The following CNOT6 variants were observed in gnomAD, a reference collection of about 807,000 sequenced individuals.
The protein encoded by CNOT6 is CCR4-NOT transcription complex subunit 6, also known as carbon catabolite repression 4 protein.
CNOT6 carries 12 observed loss-of-function variants against 61.2 expected under a neutral mutation model. That is an observed-to-expected ratio of 0.20 (90% CI 0.13 to 0.32). The LOEUF (loss-of-function observed/expected upper bound fraction) is 0.32, where lower values mean the gene tolerates loss of function less well. Among genes scored for constraint, CNOT6 ranks in the 10% least tolerant of loss-of-function variants. CNOT6 has a pLI of 1.00. For synonymous variants in CNOT6, 225 were observed against 240.6 expected, an observed-to-expected ratio of 0.94 and a Z score of 0.60; for missense variants, 405 against 663.9, an observed-to-expected ratio of 0.61 and a Z score of 4.28.
At chr5:180,523,265 C>T (rs1757953763) in intron 1 of CNOT6, among the ~76,000 whole-genome samples, 1 of 152,072 alleles carries the variant, frequency 6.6e-6, no homozygotes, top group Non-Finnish European at 1.5e-5. Flanking sequence ...TTCTTTTCCC[C>T]TTAGATGTTC....
intron 11 of CNOT6, 64 bp from the exon 12 acceptor site, chr5:180,573,924 G>A: frequency 9.0e-7 from 1 of 1,113,076 alleles, no homozygotes; most frequent in Non-Finnish European, 1.4e-6. Flanking sequence ...GGCATGTCTT[G>A]AAAGCACTGA....
intron 11 of CNOT6, 57 bp from the exon 12 acceptor site, chr5:180,573,931 C>CT: frequency 8.4e-7 from 1 of 1,183,450 alleles, no homozygotes; most frequent in Non-Finnish European, 1.3e-6. Context: ...CTTGAAAGCA[C>CT]TGAGGATTTT....
At position 180,577,163 on chromosome 5, in the gene CNOT6, A is replaced by ATGAATGTGTGTGTGTGTGTG. The variant is rs1554104992; in HGVS notation, c.*2965_*2966insAATGTGTGTGTGTGTGTGTG. 1 of 145,656 alleles carries ATGAATGTGTGTGTGTGTGTG rather than the reference A, an allele frequency of 6.9e-6. No individual in the cohort carries two copies. Among genetic ancestry groups the ATGAATGTGTGTGTGTGTGTG allele is most frequent in the Non-Finnish European group, 1.5e-5 (1 of 66,402 alleles). The allele number at this position is 145,656 out of a possible 1,614,324, so 9.0% of individuals were successfully genotyped here. On this transcript the variant is annotated 3_prime_UTR_variant, in exon 12 of 12. Coordinates refer to ENST00000261951, the MANE Select transcript of CNOT6 (RefSeq NM_001370472.1). ...AGATAGGCAGAGAACATCTCCAGAA[A>ATGAATGTGTGTGTGTGTGTG]TGTGTGTGTGTGTGTGTGTGTGTGT...
chr5:180,508,451 A>G (rs1262965380), intron 1 of CNOT6, among the ~76,000 whole-genome samples: 4 of 152,072 alleles, frequency 2.6e-5, no homozygotes, highest in South Asian at 2.1e-4. Context: ...GGCTGGGACT[A>G]CAGGCGCACG....
chr5:180,571,015 T>G (rs1369088037), intron 10 of CNOT6, among the ~76,000 whole-genome samples: 1 of 152,196 alleles, frequency 6.6e-6, no homozygotes, highest in Non-Finnish European at 1.5e-5. Context: ...GAACGATAAT[T>G]GGGAAGACAC....
intron 1 of CNOT6, among the ~76,000 whole-genome samples, chr5:180,510,937 T>A (rs1202884613): frequency 6.6e-6 from 1 of 152,146 alleles, no homozygotes; most frequent in Non-Finnish European, 1.5e-5. Context: ...TCTGAGTAGC[T>A]GGGACTACAG....
chr5:180,494,942 G>A (rs1274971889), intron 1 of CNOT6, among the ~76,000 whole-genome samples, 179 bp downstream of exon 1: 1 of 151,506 alleles, frequency 6.6e-6, no homozygotes, highest in Admixed American at 6.6e-5. Flanking sequence ...ATCGCGCCCC[G>A]CCCCGGGCCG....
chr5:180,522,047 A>C (rs1442461657), intron 1 of CNOT6, among the ~76,000 whole-genome samples: 1 of 152,178 alleles, frequency 6.6e-6, no homozygotes, highest in African/African-American at 2.4e-5. Flanking sequence ...TTCTTTGGGT[A>C]TAGAACCAGT....
chr5:180,512,456 T>A (rs1757437783), intron 1 of CNOT6, among the ~76,000 whole-genome samples: 1 of 152,222 alleles, frequency 6.6e-6, no homozygotes, highest in African/African-American at 2.4e-5. Context: ...TATTTTGAAT[T>A]CTCAACTGCG....
At chr5:180,564,086 C>G (rs893861072) in intron 4 of CNOT6, among the ~76,000 whole-genome samples, 1 of 152,148 alleles carries the variant, frequency 6.6e-6, no homozygotes, top group African/African-American at 2.4e-5. Flanking sequence ...AGTTTTGATT[C>G]TCTGATGCAT....
intron 1 of CNOT6, among the ~76,000 whole-genome samples, chr5:180,513,335 G>A (rs572876049): frequency 1.3e-5 from 2 of 152,002 alleles, no homozygotes; most frequent in Non-Finnish European, 2.9e-5. Flanking sequence ...GACCATAGGC[G>A]TGTGCCACCA....
chr5:180,506,065 A>G (rs1757122982), intron 1 of CNOT6, among the ~76,000 whole-genome samples: 2 of 152,232 alleles, frequency 1.3e-5, no homozygotes, highest in African/African-American at 2.4e-5. Flanking sequence ...TGCAAGTGAT[A>G]GAATTCTTGA....
chr5:180,516,007 C>T (rs564957522), intron 1 of CNOT6, among the ~76,000 whole-genome samples: 1 of 152,064 alleles, frequency 6.6e-6, no homozygotes, highest in South Asian at 2.1e-4. Context: ...ACTTCCTGGT[C>T]TCAAGCCATT....
Position 180,574,154 on chromosome 5 carries a change from C to A in CNOT6, c.1628C>A (p.Pro543His). 1 of 1,614,146 alleles carries A rather than the reference C, an allele frequency of 6.2e-7. No homozygotes were observed. Among genetic ancestry groups the A allele is most frequent in the East Asian group, 2.2e-5 (1 of 44,884 alleles). The change falls in exon 12 of 12, where the codon CCT (proline) becomes CAT (histidine). Residue 543 changes from proline to histidine, a missense_variant. Transcript: ENST00000261951. Reference sequence around the variant, plus strand: ...TTTGCACAACTGGAGCTCTTACTGCCTTTCCTGCCCCAAGTCAACGGCATC... The same window carrying A: ...TTTGCACAACTGGAGCTCTTACTGCATTTCCTGCCCCAAGTCAACGGCATC... The part of the protein sequence containing the change: ...SLFAQLELLL[P>H]FLPQVNGIHL...
In CNOT6 at chr5:180,574,434, C is replaced by G. The variant is rs1760920150; in HGVS notation, c.*234C>G. 3 of 558,034 alleles carry G rather than the reference C, an allele frequency of 5.4e-6. No homozygotes were observed. The highest frequency in any genetic ancestry group is 9.6e-6 in the Non-Finnish European group (3 of 311,962). The allele number at this position is 558,034 out of a possible 1,614,324, so 34.6% of individuals were successfully genotyped here. A position where few individuals can be genotyped will look rare whatever the true frequency, so the allele number is the denominator to read the frequency against. On this transcript the variant is annotated 3_prime_UTR_variant, in exon 12 of 12. Coordinates refer to ENST00000261951, the MANE Select transcript of CNOT6 (RefSeq NM_001370472.1). ...GATTGGTGTGTTTGCACCTGTCTTT[C>G]ATTTGTCATAAGAGATTTTCCTATT...
intron 1 of CNOT6, among the ~76,000 whole-genome samples, chr5:180,501,939 T>C (rs183753936): frequency 9.9e-5 from 15 of 152,132 alleles, no homozygotes; most frequent in Admixed American, 9.8e-4. Context: ...CAGGGAAAAT[T>C]TTTATGGGAC....
intron 1 of CNOT6, among the ~76,000 whole-genome samples, 179 bp downstream of exon 1, chr5:180,494,942 G>GCCCCGGGCCGCGC (rs910443813): frequency 2.0e-4 from 30 of 151,616 alleles, no homozygotes; most frequent in Admixed American, 1.7e-3. Context: ...ATCGCGCCCC[G>GCCCCGGGCCGCGC]CCCCGGGCCG....
chr5:180,546,391 C>T (rs993614073), intron 2 of CNOT6, among the ~76,000 whole-genome samples: 2 of 151,882 alleles, frequency 1.3e-5, no homozygotes, highest in African/African-American at 2.4e-5. Flanking sequence ...TTCCATTTTA[C>T]CTCCTTTGTT....
chr5:180,516,685 T>C (rs1245375651), intron 1 of CNOT6, among the ~76,000 whole-genome samples: 1 of 152,208 alleles, frequency 6.6e-6, no homozygotes, highest in Non-Finnish European at 1.5e-5. Flanking sequence ...GTTAAATGTC[T>C]TCTCTCATTG....
Sources: allele counts gnomAD v4.1 joint callset (sites outside exome capture counted in the v4.1 genomes callset), GRCh38; gene constraint gnomAD v4.1.1; transcripts MANE v1.5; gene names NCBI Gene and HGNC (gene_info 2026-07-23, HGNC 2026-07-21).